The following PTPRG variants were observed in gnomAD, a reference collection of about 807,000 sequenced individuals.
PTPRG encodes the protein protein tyrosine phosphatase receptor type G.
Under a neutral mutation model 165.3 loss-of-function variants are expected in PTPRG, and 102 were observed. The ratio of observed to expected loss-of-function variants is 0.62; its 90% CI spans 0.53 to 0.73. The LOEUF (loss-of-function observed/expected upper bound fraction) is 0.73. Ranked by LOEUF, PTPRG falls within the 30% of genes least tolerant of loss-of-function variation. The pLI, the probability that PTPRG is intolerant of heterozygous loss-of-function variation, is 0.00. For synonymous variants in PTPRG, 675 were observed against 669.5 expected, an observed-to-expected ratio of 1.01 and a Z score of -0.13; for missense variants, 1,866 against 1,861.4, an observed-to-expected ratio of 1.00 and a Z score of -0.05.
intron 1 of PTPRG, among the ~76,000 whole-genome samples, chr3:61,731,496 G>A (rs942304654): frequency 1.3e-5 from 2 of 151,444 alleles, no homozygotes; most frequent in Non-Finnish European, 2.9e-5. Flanking sequence ...CTACAGGCAC[G>A]CACCACCACG....
chr3:61,608,462 G>A (rs1575534620), intron 1 of PTPRG, among the ~76,000 whole-genome samples: 1 of 152,186 alleles, frequency 6.6e-6, no homozygotes, highest in African/African-American at 2.4e-5. Context: ...TTTCCTTGAA[G>A]CCTGGGAATC....
At chr3:61,844,625 G>A (rs530076147) in intron 2 of PTPRG, among the ~76,000 whole-genome samples, 1 of 109,456 alleles carries the variant, frequency 9.1e-6, no homozygotes, top group Non-Finnish European at 1.9e-5. Context: ...CTCCCAAGTT[G>A]ATGGGACTAT....
chr3:62,114,487 C>T (rs972083065), intron 5 of PTPRG, among the ~76,000 whole-genome samples: 1 of 152,126 alleles, frequency 6.6e-6, no homozygotes, highest in Non-Finnish European at 1.5e-5. Flanking sequence ...TATTTTATCT[C>T]ACAAGTTTCT....
At chr3:61,779,068 A>G (rs2034468249) in intron 2 of PTPRG, among the ~76,000 whole-genome samples, 1 of 152,088 alleles carries the variant, frequency 6.6e-6, no homozygotes, top group Non-Finnish European at 1.5e-5. Context: ...ACACACACAG[A>G]CACACACACA....
At chr3:61,753,601 T>TTTTTGG (rs774438510) in intron 2 of PTPRG, 3 of 439,636 alleles carry the variant, frequency 6.8e-6, no homozygotes, top group African/African-American at 6.2e-5. Flanking sequence ...TTTTTTTTTT[T>TTTTTGG]GGAGATTGGA....
chr3:61,933,979 G>T (rs1325365025), intron 2 of PTPRG, among the ~76,000 whole-genome samples: 1 of 152,172 alleles, frequency 6.6e-6, no homozygotes, highest in Non-Finnish European at 1.5e-5. Flanking sequence ...TGTGGGTCAG[G>T]CAGGCTCATG....
chr3:61,601,745 A>T (rs191690760), intron 1 of PTPRG, among the ~76,000 whole-genome samples: 25 of 152,352 alleles, frequency 1.6e-4, no homozygotes, highest in African/African-American at 4.6e-4. Context: ...ACAGACTAAC[A>T]TGATAGAAGG....
chr3:62,147,933 C>G (rs1189719676), intron 6 of PTPRG, among the ~76,000 whole-genome samples: 1 of 151,978 alleles, frequency 6.6e-6, no homozygotes. Flanking sequence ...AGCCAGGCGG[C>G]AGGAGTTCAA....
In PTPRG at chr3:61,935,343, C is replaced by A. The variant is rs1285393665; in HGVS notation, c.191-54282C>A. Among the ~76,000 whole-genome samples, 4 of 152,164 alleles carry A rather than the reference C, an allele frequency of 2.6e-5. No individual in the cohort carries two copies. In the South Asian group the frequency reaches 8.3e-4, roughly 32 times the overall value. Reference sequence around the variant, plus strand: ...TCCTGCTTCGTGTGCTTTTGATGGACATCCTGTCTTCTCCACACTCTTGAC... The same window carrying A: ...TCCTGCTTCGTGTGCTTTTGATGGAAATCCTGTCTTCTCCACACTCTTGAC... On this transcript the variant is annotated intron_variant, in intron 2 of 29. Coordinates refer to ENST00000474889, the MANE Select transcript of PTPRG (RefSeq NM_002841.4).
intron 1 of PTPRG, among the ~76,000 whole-genome samples, chr3:61,747,790 A>T (rs907222182): frequency 4.1e-5 from 6 of 147,406 alleles, no homozygotes; most frequent in African/African-American, 7.5e-5. Flanking sequence ...ACTTTCTTAA[A>T]TTTTTTTTTT....
chr3:62,237,965 T>C lies in PTPRG; in HGVS notation c.2376-5842T>C, dbSNP rs147972070. On this transcript the variant is annotated intron_variant, in intron 14 of 29. Transcript: ENST00000474889. The surrounding 1 kb of genome is among the most constrained non-coding windows in gnomAD (Gnocchi z 4.5). ...AGGGATGAACGAATGGAGAGTAACATAGGAAGCTTGCTTCCACTCTGCTAC... is the reference window on the plus strand; with the variant it reads ...AGGGATGAACGAATGGAGAGTAACACAGGAAGCTTGCTTCCACTCTGCTAC... 1.7e-4 allele frequency among the ~76,000 whole-genome samples: 26 copies of C among 152,350 alleles called. No individual in the cohort carries two copies. Among genetic ancestry groups the C allele is most frequent in the Non-Finnish European group, 3.2e-4 (22 of 68,030 alleles).
chr3:61,631,299 G>A (rs1318392398), intron 1 of PTPRG, among the ~76,000 whole-genome samples: 2 of 152,064 alleles, frequency 1.3e-5, no homozygotes, highest in African/African-American at 2.4e-5. Context: ...CCTTATCTGC[G>A]GTTTTGCTTT....
At position 62,222,151 on chromosome 3, in the gene PTPRG, C is replaced by T. The variant is rs1355165324; in HGVS notation, c.2288+3168C>T. The stretch of plus-strand genomic sequence containing the variant: ...CCAGAACCCTTTTGTTGTTCAGAAC[C>T]CTTTTCTATTGCAGTTGACAAAAAT... On this transcript the variant is annotated intron_variant, in intron 13 of 29. Coordinates refer to ENST00000474889, the MANE Select transcript of PTPRG (RefSeq NM_002841.4). The surrounding 1 kb of genome is among the most constrained non-coding windows in gnomAD (Gnocchi z 4.5). Among the ~76,000 whole-genome samples the T allele has an allele frequency of 1.3e-5, 2 of 152,212 alleles. No individual in the cohort carries two copies. The highest frequency in any genetic ancestry group is 2.9e-5 in the Non-Finnish European group (2 of 68,038).
intron 4 of PTPRG, among the ~76,000 whole-genome samples, chr3:62,070,902 A>G (rs1473441504): frequency 6.6e-6 from 1 of 151,974 alleles, no homozygotes; most frequent in African/African-American, 2.4e-5. Context: ...AACCTGCACA[A>G]TGTGCACATG....
chr3:61,580,668 A>G (rs1486085142), intron 1 of PTPRG, among the ~76,000 whole-genome samples: 1 of 152,196 alleles, frequency 6.6e-6, no homozygotes. Context: ...ACTATAATGT[A>G]TTTTAAACTT....
intron 2 of PTPRG, chr3:61,770,147 T>C (rs1302046162): frequency 6.6e-6 from 1 of 152,200 alleles, no homozygotes; most frequent in Non-Finnish European, 1.5e-5. Context: ...ATTCGTGCTA[T>C]ATCTGCCATG....
intron 1 of PTPRG, among the ~76,000 whole-genome samples, chr3:61,572,682 C>T (rs1411060201): frequency 6.6e-6 from 1 of 152,182 alleles, no homozygotes; most frequent in Non-Finnish European, 1.5e-5. Context: ...GCCCTCATGA[C>T]AGCTTCCCGT....
At chr3:61,631,071 GAAAA>G (rs910839355) in intron 1 of PTPRG, among the ~76,000 whole-genome samples, 4 of 148,682 alleles carry the variant, frequency 2.7e-5, no homozygotes, top group Admixed American at 6.7e-5. Flanking sequence ...AAAGAAAAAA[GAAAA>G]AAAAAGTTTT....
At chr3:61,796,457 C>T (rs2035046690) in intron 2 of PTPRG, among the ~76,000 whole-genome samples, 1 of 152,226 alleles carries the variant, frequency 6.6e-6, no homozygotes. Flanking sequence ...TGATAGCTGC[C>T]AGCTCCAGAG....
Sources: allele counts gnomAD v4.1 joint callset (sites outside exome capture counted in the v4.1 genomes callset), GRCh38; gene constraint gnomAD v4.1.1; non-coding constraint Gnocchi (gnomAD v3.1); transcripts MANE v1.5; gene names NCBI Gene and HGNC (gene_info 2026-07-23, HGNC 2026-07-21).